The following RASAL2 variants were observed in gnomAD, a reference collection of about 807,000 sequenced individuals.
RASAL2 encodes ras GTPase-activating protein nGAP.
A neutral mutation model predicts 128.9 loss-of-function variants in RASAL2; 58 were observed. That is an observed-to-expected ratio of 0.45 (90% CI 0.36 to 0.56). The LOEUF is 0.56. Ranked by LOEUF, RASAL2 falls within the 20% of genes least tolerant of loss-of-function variation. The probability of loss-of-function intolerance (pLI) is 0.00; values close to 1 mark genes in which losing one functional copy is unlikely to be tolerated. For missense variants in RASAL2, 1,360 were observed against 1,601.6 expected (o/e 0.85, Z 2.57); for synonymous variants, 561 against 580.8 (o/e 0.97, Z 0.49).
chr1:178,258,585 A>G (rs1558147910), intron 1 of RASAL2, among the ~76,000 whole-genome samples: 1 of 152,206 alleles, frequency 6.6e-6, no homozygotes, highest in Admixed American at 6.5e-5. Flanking sequence ...TGCTATTAGG[A>G]TATCTAGAAT....
chr1:178,177,305 T>C (rs1019694189), intron 1 of RASAL2, among the ~76,000 whole-genome samples: 1 of 152,232 alleles, frequency 6.6e-6, no homozygotes, highest in Non-Finnish European at 1.5e-5. Flanking sequence ...TTGCATCTGA[T>C]GTTGATTTAT....
intron 1 of RASAL2, among the ~76,000 whole-genome samples, chr1:178,207,952 A>T (rs1663115581): frequency 6.6e-6 from 1 of 152,222 alleles, no homozygotes; most frequent in South Asian, 2.1e-4. Flanking sequence ...CGGCAGAGGA[A>T]TATGAATTGT....
intron 4 of RASAL2, chr1:178,411,605 T>A: frequency 4.0e-6 from 3 of 741,158 alleles, no homozygotes; most frequent in Non-Finnish European, 7.5e-6. Flanking sequence ...CATGCAGAAA[T>A]GGCACACTTC....
intron 14 of RASAL2, among the ~76,000 whole-genome samples, chr1:178,463,845 G>A (rs1052995982): frequency 6.6e-6 from 1 of 152,014 alleles, no homozygotes; most frequent in African/African-American, 2.4e-5. Flanking sequence ...TTGTGTCTGG[G>A]CTAAACAGAT....
intron 4 of RASAL2, among the ~76,000 whole-genome samples, chr1:178,415,979 A>G (rs532240949): frequency 8.1e-6 from 1 of 124,000 alleles, no homozygotes; most frequent in South Asian, 2.6e-4. Context: ...GGTAGATGAT[A>G]TATAGTTGGG....
chr1:178,308,539 CTTTTT>C (rs576125039), intron 3 of RASAL2, among the ~76,000 whole-genome samples: 2 of 130,006 alleles, frequency 1.5e-5, no homozygotes. Context: ...CAAACATTAG[CTTTTT>C]TTTTTTTTTT....
chr1:178,098,412 G>T (rs1571468032), intron 1 of RASAL2, among the ~76,000 whole-genome samples: 1 of 152,204 alleles, frequency 6.6e-6, no homozygotes, highest in Non-Finnish European at 1.5e-5. Context: ...AAGTCAATTG[G>T]CTGAAAAAGC....
intron 1 of RASAL2, among the ~76,000 whole-genome samples, chr1:178,100,618 A>G (rs1353045252): frequency 2.0e-5 from 3 of 152,200 alleles, no homozygotes; most frequent in Non-Finnish European, 2.9e-5. Flanking sequence ...AGAGATTCAC[A>G]TGACATAGTA....
At chr1:178,192,526 A>G (rs1662527655) in intron 1 of RASAL2, among the ~76,000 whole-genome samples, 1 of 152,226 alleles carries the variant, frequency 6.6e-6, no homozygotes, top group South Asian at 2.1e-4. Flanking sequence ...TGACACATCT[A>G]TATAAATGTG....
chr1:178,219,692 A>G (rs947200623), intron 1 of RASAL2, among the ~76,000 whole-genome samples: 13 of 152,038 alleles, frequency 8.6e-5, no homozygotes, highest in Admixed American at 6.5e-4. Flanking sequence ...TTAATTCACA[A>G]CCTGGCTGTT....
chr1:178,424,275 C>T (rs1271010149), intron 5 of RASAL2, among the ~76,000 whole-genome samples: 1 of 150,916 alleles, frequency 6.6e-6, no homozygotes, highest in Non-Finnish European at 1.5e-5. Flanking sequence ...CGGAGTCTCA[C>T]TCTGTCGCCC....
intron 1 of RASAL2, among the ~76,000 whole-genome samples, chr1:178,186,047 T>C (rs1054099224): frequency 2.0e-5 from 3 of 152,148 alleles, no homozygotes; most frequent in African/African-American, 7.2e-5. Context: ...TATTATTTAT[T>C]CAATATCATT....
chr1:178,108,422 T>A (rs189783623), intron 1 of RASAL2, among the ~76,000 whole-genome samples: 1 of 152,284 alleles, frequency 6.6e-6, no homozygotes, highest in African/African-American at 2.4e-5. Context: ...ACTTGTTGAG[T>A]GTTTGCTGTG....
At chr1:178,436,193 GGAAT>G (rs1218359230) in intron 5 of RASAL2, among the ~76,000 whole-genome samples, 1 of 151,966 alleles carries the variant, frequency 6.6e-6, no homozygotes, top group Non-Finnish European at 1.5e-5. Flanking sequence ...TGCTTCTCTG[GGAAT>G]TACTTCTGTC....
At chr1:178,305,433 A>C (rs1331341349) in intron 3 of RASAL2, among the ~76,000 whole-genome samples, 2 of 152,212 alleles carry the variant, frequency 1.3e-5, no homozygotes, top group Non-Finnish European at 2.9e-5. Flanking sequence ...ATAGCACGGC[A>C]CAGGCAGAAA....
At chr1:178,366,290 C>T (rs1323161182) in intron 3 of RASAL2, among the ~76,000 whole-genome samples, 1 of 152,102 alleles carries the variant, frequency 6.6e-6, no homozygotes, top group Non-Finnish European at 1.5e-5. Flanking sequence ...AAAAGATATT[C>T]AGGAGTTGCT....
intron 7 of RASAL2, among the ~76,000 whole-genome samples, chr1:178,442,402 C>T (rs1396810281): frequency 6.6e-6 from 1 of 151,964 alleles, no homozygotes; most frequent in Non-Finnish European, 1.5e-5. Flanking sequence ...TATATGAAAA[C>T]TTACCGTTAC....
chr1:178,296,846 G>A (rs950158987), intron 2 of RASAL2, among the ~76,000 whole-genome samples: 1 of 151,354 alleles, frequency 6.6e-6, no homozygotes, highest in East Asian at 1.9e-4. Context: ...CTGATTTTTT[G>A]TATTTAGTAG....
intron 3 of RASAL2, among the ~76,000 whole-genome samples, chr1:178,371,322 C>CA (rs1671685261): frequency 2.4e-5 from 3 of 124,372 alleles, no homozygotes; most frequent in Admixed American, 1.7e-4. Context: ...GCCTTCTTTC[C>CA]CACACACACA....
Sources: allele counts gnomAD v4.1 joint callset (sites outside exome capture counted in the v4.1 genomes callset), GRCh38; gene constraint gnomAD v4.1.1; transcripts MANE v1.5; gene names NCBI Gene and HGNC (gene_info 2026-07-23, HGNC 2026-07-21).